CHM: variants seen among roughly 807,000 people sequenced by gnomAD.
The protein encoded by CHM is rab proteins geranylgeranyltransferase component A 1.
CHM carries 10 observed loss-of-function variants against 49.0 expected under a neutral mutation model. The observed-to-expected ratio is 0.20, with a 90% CI of 0.13 to 0.35. CHM has a LOEUF of 0.35. Among genes scored for constraint, CHM ranks in the 10% least tolerant of loss-of-function variants. The probability of loss-of-function intolerance (pLI) is 1.00; values close to 1 mark genes in which losing one functional copy is unlikely to be tolerated. For synonymous variants in CHM, 184 were observed against 167.5 expected (o/e 1.10, Z -0.76); for missense variants, 455 against 478.4 (o/e 0.95, Z 0.46).
At chrX:86,016,748 C>T (rs1933321635) in intron 2 of CHM, among the ~76,000 whole-genome samples, 1 of 112,254 alleles carries the variant, frequency 8.9e-6, no homozygotes, top group Non-Finnish European at 1.9e-5. Flanking sequence ...AGAGCCCCCA[C>T]ACAGAGTCCC....
chrX:86,005,851 G>A (rs747962004), intron 2 of CHM, among the ~76,000 whole-genome samples: 3 of 111,685 alleles, frequency 2.7e-5, no homozygotes, highest in Non-Finnish European at 5.6e-5. Flanking sequence ...GGAGCTGGTA[G>A]CAATCCTTCT....
intron 5 of CHM, among the ~76,000 whole-genome samples, chrX:85,960,514 C>T (rs753902759): frequency 1.8e-5 from 2 of 110,335 alleles, no homozygotes; most frequent in East Asian, 2.8e-4. Context: ...ACCTCTGTCT[C>T]CTAGGTTCAA....
At chrX:86,008,498 T>C (rs1305358404) in intron 2 of CHM, among the ~76,000 whole-genome samples, 1 of 111,957 alleles carries the variant, frequency 8.9e-6, no homozygotes, top group Admixed American at 9.5e-5. Flanking sequence ...TGATCTTGTA[T>C]ACATGTATTA....
chrX:86,046,826 C>G (rs1410519586), intron 1 of CHM, among the ~76,000 whole-genome samples: 2 of 111,559 alleles, frequency 1.8e-5, no homozygotes, highest in African/African-American at 6.5e-5. Context: ...AACTCAGGAC[C>G]TTATTCTCAG....
intron 8 of CHM, among the ~76,000 whole-genome samples, chrX:85,944,484 A>G (rs908733184): frequency 4.5e-5 from 5 of 112,339 alleles, no homozygotes; most frequent in Non-Finnish European, 9.4e-5. Context: ...TCATCACTGA[A>G]TAAGTTCATT....
At chrX:86,044,335 T>C (rs1337554386) in intron 1 of CHM, among the ~76,000 whole-genome samples, 2 of 112,247 alleles carry the variant, frequency 1.8e-5, no homozygotes, top group Non-Finnish European at 3.8e-5. Context: ...GTATGTCTAA[T>C]AGCAACCCCA....
At chrX:85,865,612 CAGA>C (rs1294393318) in intron 14 of CHM, among the ~76,000 whole-genome samples, 1 of 111,120 alleles carries the variant, frequency 9.0e-6, no homozygotes, top group Non-Finnish European at 1.9e-5. Context: ...TTGGAGGGCT[CAGA>C]AGAAGAGAGG....
intron 2 of CHM, among the ~76,000 whole-genome samples, chrX:85,989,963 T>A (rs1416757938): frequency 8.9e-6 from 1 of 111,911 alleles, no homozygotes; most frequent in Non-Finnish European, 1.9e-5. Flanking sequence ...AGAGCTACCA[T>A]CCAATCCAGC....
chrX:85,970,178 C>A, intron 4 of CHM: 1 of 503,139 alleles, frequency 2.0e-6, no homozygotes, highest in Non-Finnish European at 2.4e-6. Flanking sequence ...TTTATATGTA[C>A]CAAAACATAT....
intron 8 of CHM, among the ~76,000 whole-genome samples, chrX:85,948,775 C>T (rs1228436310): frequency 9.0e-6 from 1 of 111,406 alleles, no homozygotes; most frequent in Non-Finnish European, 1.9e-5. Flanking sequence ...ATTCTGATAA[C>T]CTGGTGATAA....
chrX:86,041,243 T>C (rs759740906), intron 1 of CHM, among the ~76,000 whole-genome samples: 11 of 111,610 alleles, frequency 9.9e-5, no homozygotes, highest in Non-Finnish European at 1.7e-4. Flanking sequence ...CTCTGAGGTA[T>C]TGGCTCAAAT....
At chrX:85,953,567 A>G (rs1929858195) in intron 8 of CHM, among the ~76,000 whole-genome samples, 1 of 111,760 alleles carries the variant, frequency 8.9e-6, no homozygotes, top group African/African-American at 3.3e-5. Flanking sequence ...CTGGCATAAA[A>G]ACAGACACAT....
intron 11 of CHM, among the ~76,000 whole-genome samples, chrX:85,897,086 A>ATGTAT (rs1556250563): frequency 1.1e-5 from 1 of 87,001 alleles, no homozygotes; most frequent in African/African-American, 4.4e-5. Flanking sequence ...TAATTACATA[A>ATGTAT]TATATAATAT....
chrX:85,914,747 C>T (rs1927348589), intron 8 of CHM, among the ~76,000 whole-genome samples: 1 of 111,635 alleles, frequency 9.0e-6, no homozygotes, highest in African/African-American at 3.3e-5. Flanking sequence ...CCAGCTGCCA[C>T]AGCACCCATT....
In CHM at chrX:86,004,576, T is replaced by G. The variant is rs5923422; in HGVS notation, c.117-22767A>C. On this transcript the variant is annotated intron_variant, in intron 2 of 14. Coordinates refer to ENST00000357749, the MANE Select transcript of CHM (RefSeq NM_000390.4). ...AAAGGATGGAGGAAGATCTACCAAGTAAATGGAAAGCATAAAAAAAAGCAG... is the reference window on the plus strand; with the variant it reads ...AAAGGATGGAGGAAGATCTACCAAGGAAATGGAAAGCATAAAAAAAAGCAG... 3.6e-5 allele frequency among the ~76,000 whole-genome samples: 4 copies of G among 109,876 alleles called. No homozygotes were observed. In the East Asian group the frequency reaches 1.2e-3, roughly 32 times the overall value.
At chrX:85,997,984 T>A in intron 2 of CHM, among the ~76,000 whole-genome samples, 1 of 110,643 alleles carries the variant, frequency 9.0e-6, no homozygotes, top group Admixed American at 9.6e-5. Context: ...AAAATCCTGA[T>A]AATCTTCAGT....
intron 1 of CHM, among the ~76,000 whole-genome samples, chrX:86,030,019 A>G (rs1933976675): frequency 8.9e-6 from 1 of 112,147 alleles, no homozygotes; most frequent in South Asian, 3.7e-4. Flanking sequence ...ACCAGATGCC[A>G]GCTCCAATGG....
At chrX:85,939,589 C>T (rs977768890) in intron 8 of CHM, among the ~76,000 whole-genome samples, 1 of 112,241 alleles carries the variant, frequency 8.9e-6, no homozygotes, top group Non-Finnish European at 1.9e-5. Context: ...AGACATGCAA[C>T]CAACTTAACA....
At chrX:85,956,405 T>A (rs771324912) in intron 7 of CHM, 27 bp from the exon 8 acceptor site, 1 of 1,190,844 alleles carries the variant, frequency 8.4e-7, no homozygotes, top group Non-Finnish European at 1.1e-6. Flanking sequence ...TTTTATCACT[T>A]AAAATCAGAA....
Sources: allele counts gnomAD v4.1 joint callset (sites outside exome capture counted in the v4.1 genomes callset), GRCh38; gene constraint gnomAD v4.1.1; transcripts MANE v1.5; gene names NCBI Gene and HGNC (gene_info 2026-07-23, HGNC 2026-07-21).